The following ZDHHC14 variants were observed in gnomAD, a reference collection of about 807,000 sequenced individuals.
ZDHHC14 encodes the protein palmitoyltransferase ZDHHC14.
Under a neutral mutation model 47.7 loss-of-function variants are expected in ZDHHC14, and 16 were observed. That is an observed-to-expected ratio of 0.34 (90% CI 0.23 to 0.51). ZDHHC14 has a LOEUF of 0.51. Ranked by LOEUF, ZDHHC14 falls within the 20% of genes least tolerant of loss-of-function variation. The pLI, the probability that ZDHHC14 is intolerant of heterozygous loss-of-function variation, is 0.97. For synonymous variants in ZDHHC14, 293 were observed against 278.9 expected, an observed-to-expected ratio of 1.05 and a Z score of -0.50; for missense variants, 515 against 662.5, an observed-to-expected ratio of 0.78 and a Z score of 2.44.
At chr6:157,448,071 G>A (rs1778722983) in intron 1 of ZDHHC14, among the ~76,000 whole-genome samples, 2 of 152,096 alleles carry the variant, frequency 1.3e-5, no homozygotes, top group Non-Finnish European at 2.9e-5. Context: ...TAGAGACAGA[G>A]TTTCACTATG....
At chr6:157,663,771 C>T (rs1046368368) in intron 8 of ZDHHC14, among the ~76,000 whole-genome samples, 5 of 152,136 alleles carry the variant, frequency 3.3e-5, no homozygotes, top group Admixed American at 1.3e-4. Context: ...ACCTTCACAC[C>T]GACACGGGGC....
At chr6:157,562,006 G>A (rs139614569) in intron 2 of ZDHHC14, among the ~76,000 whole-genome samples, 1 of 152,172 alleles carries the variant, frequency 6.6e-6, no homozygotes, top group African/African-American at 2.4e-5. Flanking sequence ...TGTGGGTTCA[G>A]TGAGAAACCT....
chr6:157,475,081 A>C (rs2114830104), intron 1 of ZDHHC14, among the ~76,000 whole-genome samples: 1 of 152,314 alleles, frequency 6.6e-6, no homozygotes, highest in East Asian at 1.9e-4. Context: ...ATGAGAGTCT[A>C]ATTTCATTCA....
intron 1 of ZDHHC14, among the ~76,000 whole-genome samples, chr6:157,531,037 C>T (rs983939247): frequency 6.6e-6 from 1 of 151,936 alleles, no homozygotes; most frequent in Non-Finnish European, 1.5e-5. Context: ...CTCAGAGGAG[C>T]GCTGTCAGCA....
rs1439099452 is a variant in ZDHHC14, at chr6:157,586,908, T to A, written c.407-6080T>A. ...TAGCTTTCAGCATTTCACCTCTTTG[T>A]AACAGAGGTTCAATCTTTTAAAAAA... On this transcript the variant is annotated intron_variant, in intron 2 of 8. Transcript: ENST00000359775. This position sits in a 1 kb window ranked among gnomAD's most constrained non-coding sequence, Gnocchi z 4.6. Among the ~76,000 whole-genome samples the A allele has an allele frequency of 6.6e-6, 1 of 152,228 alleles. No individual in the cohort carries two copies. The highest frequency in any genetic ancestry group is 1.5e-5 in the Non-Finnish European group (1 of 68,040).
intron 1 of ZDHHC14, among the ~76,000 whole-genome samples, chr6:157,530,395 T>C (rs1781320383): frequency 1.3e-5 from 2 of 152,190 alleles, no homozygotes; most frequent in Non-Finnish European, 2.9e-5. Flanking sequence ...TTGTTTTAGG[T>C]GAGATAAAGG....
chr6:157,673,089 T>C lies in ZDHHC14; in HGVS notation c.1434T>C (p.Ser478=). 6.4e-7 allele frequency: 1 copy of C among 1,574,164 alleles called. No homozygotes were observed. Among genetic ancestry groups the C allele is most frequent in the Non-Finnish European group, 8.6e-7 (1 of 1,168,394 alleles). ...LASQDSLHED[S]VRGLVKLSSV is the part of the protein sequence containing the mutation. ...GCCAGGACTCCCTGCATGAGGACTCTGTGCGCGGCCTGGTGAAGCTCAGCT... is the reference window on the plus strand; with the variant it reads ...GCCAGGACTCCCTGCATGAGGACTCCGTGCGCGGCCTGGTGAAGCTCAGCT... The change falls in exon 9 of 9, where the codon TCT becomes TCC. Residue 478 remains serine, a synonymous_variant. Coordinates refer to ENST00000359775, the MANE Select transcript of ZDHHC14 (RefSeq NM_024630.3). This position sits in a 1 kb window ranked among gnomAD's most constrained non-coding sequence, Gnocchi z 5.4.
At chr6:157,388,497 T>A (rs560455781) in intron 1 of ZDHHC14, among the ~76,000 whole-genome samples, 2 of 152,314 alleles carry the variant, frequency 1.3e-5, no homozygotes, top group East Asian at 3.9e-4. Flanking sequence ...GCATTTGTTA[T>A]TTTATAGGTG....
chr6:157,538,903 A>G (rs556994611), intron 1 of ZDHHC14, among the ~76,000 whole-genome samples: 3 of 152,248 alleles, frequency 2.0e-5, no homozygotes, highest in Admixed American at 2.0e-4. Flanking sequence ...CCCAAATGTT[A>G]GGTGTGGCCA....
chr6:157,573,816 G>A (rs1439251314), intron 2 of ZDHHC14, among the ~76,000 whole-genome samples: 1 of 152,136 alleles, frequency 6.6e-6, no homozygotes, highest in African/African-American at 2.4e-5. Context: ...TACTCCCAAG[G>A]AAGCCCCAGG....
rs1562410080 is a variant in ZDHHC14 at position 157,399,532 on chromosome 6, AGTT to A, written c.245+17273_245+17275del. On this transcript the variant is annotated intron_variant, in intron 1 of 8. Coordinates refer to ENST00000359775, the MANE Select transcript of ZDHHC14 (RefSeq NM_024630.3). ...AGTCTGGTTTCAAAGACACAAAAAC[AGTT>A]GTTGTTATTGTACTTAGATGAAGAA... Among the ~76,000 whole-genome samples, 5 of 152,296 alleles carry A rather than the reference AGTT, an allele frequency of 3.3e-5. No homozygotes were observed. In the South Asian group the frequency reaches 1.0e-3, roughly 32 times the overall value.
At position 157,381,522 on chromosome 6, in the gene ZDHHC14, G is replaced by A; in HGVS notation, c.-500G>A. On this transcript the variant is annotated 5_prime_UTR_variant, in exon 1 of 9. Coordinates refer to ENST00000359775, the MANE Select transcript of ZDHHC14 (RefSeq NM_024630.3). ...TCTCTCCTGGGAGGATCCGCTGCCG[G>A]AGGAAGGAGTGGACCCAACCTGGCC... 1 of 407,134 alleles carries A rather than the reference G, an allele frequency of 2.5e-6. No individual in the cohort carries two copies. The highest frequency in any genetic ancestry group is 2.7e-5 in the Admixed American group (1 of 37,640). 25.2% of individuals were successfully genotyped at this position (407,134 alleles called of 1,614,324 possible).
At chr6:157,478,652 G>T (rs533989555) in intron 1 of ZDHHC14, among the ~76,000 whole-genome samples, 1 of 152,128 alleles carries the variant, frequency 6.6e-6, no homozygotes, top group Non-Finnish European at 1.5e-5. Flanking sequence ...GAAACTGTTA[G>T]TTCATATTGT....
intron 2 of ZDHHC14, 47 bp downstream of exon 2, chr6:157,542,792 G>GC: frequency 6.3e-7 from 1 of 1,594,700 alleles, no homozygotes; most frequent in Middle Eastern, 1.8e-4. Context: ...TCCCGCCTGG[G>GC]CCCAGCTACA....
chr6:157,416,589 GC>G (rs1301305552), intron 1 of ZDHHC14, among the ~76,000 whole-genome samples: 1 of 147,120 alleles, frequency 6.8e-6, no homozygotes, highest in Non-Finnish European at 1.5e-5. Context: ...GCTTGCTTGA[GC>G]CCAGAAGATA....
At chr6:157,657,380 T>C (rs1188763440) in intron 8 of ZDHHC14, among the ~76,000 whole-genome samples, 1 of 152,204 alleles carries the variant, frequency 6.6e-6, no homozygotes, top group African/African-American at 2.4e-5. Context: ...GCACAGATCT[T>C]TCCAGAGAGC....
At chr6:157,399,662 C>T (rs1270782342) in intron 1 of ZDHHC14, among the ~76,000 whole-genome samples, 1 of 152,230 alleles carries the variant, frequency 6.6e-6, no homozygotes, top group Admixed American at 6.5e-5. Flanking sequence ...GCTTCCCTGC[C>T]GGACCAGGGT....
chr6:157,623,262 T>C (rs1256963010), intron 3 of ZDHHC14, among the ~76,000 whole-genome samples: 2 of 152,154 alleles, frequency 1.3e-5, no homozygotes, highest in Non-Finnish European at 2.9e-5. Flanking sequence ...AATTGAATCA[T>C]GGGGGCAGTT....
chr6:157,595,174 A>ATTTTTTTTT lies in ZDHHC14; in HGVS notation c.565+2056_565+2064dup, dbSNP rs777568494. 2.1e-4 allele frequency among the ~76,000 whole-genome samples: 13 copies of ATTTTTTTTT among 62,716 alleles called. 5 individuals carry two copies. The highest frequency in any genetic ancestry group is 3.7e-4 in the African/African-American group (5 of 13,538). 41.1% of individuals were successfully genotyped at this position (62,716 alleles called of 152,430 possible). Reference sequence around the variant, plus strand: ...CCTCTGTTTCTTGTCTCTAGGCTAGATTTTTTTTTTTTTTTTTTTTTTTTT... The same window carrying ATTTTTTTTT: ...CCTCTGTTTCTTGTCTCTAGGCTAGATTTTTTTTTTTTTTTTTTTTTTTTTTTTTTTTTT... On this transcript the variant is annotated intron_variant, in intron 3 of 8. Coordinates refer to ENST00000359775, the MANE Select transcript of ZDHHC14 (RefSeq NM_024630.3).
Sources: gnomAD v4.1 joint callset for allele counts (sites outside exome capture counted in the v4.1 genomes callset) on GRCh38, gnomAD v4.1.1 for gene constraint, Gnocchi (gnomAD v3.1) non-coding constraint, MANE v1.5 for transcripts, NCBI Gene and HGNC (gene_info 2026-07-23, HGNC 2026-07-21) for gene names.